XPO4: variants seen among roughly 807,000 people sequenced by gnomAD.
XPO4 encodes the protein exportin 4.
Under a neutral mutation model 143.0 loss-of-function variants are expected in XPO4, and 39 were observed. That is an observed-to-expected ratio of 0.27 (90% CI 0.21 to 0.36). The LOEUF is 0.36. Ranked by LOEUF, XPO4 falls within the 10% of genes least tolerant of loss-of-function variation. The pLI, the probability that XPO4 is intolerant of heterozygous loss-of-function variation, is 1.00. For missense variants in XPO4, 907 were observed against 1,348.0 expected, an observed-to-expected ratio of 0.67 and a Z score of 5.12; for synonymous variants, 439 against 474.0, an observed-to-expected ratio of 0.93 and a Z score of 0.96.
chr13:20,862,370 T>C, intron 3 of XPO4, among the ~76,000 whole-genome samples: 1 of 152,328 alleles, frequency 6.6e-6, no homozygotes, highest in Admixed American at 6.5e-5. Context: ...ACCAAAAGCT[T>C]AAATAAAAGG....
intron 1 of XPO4, among the ~76,000 whole-genome samples, chr13:20,881,574 A>AT (rs1342694004): frequency 1.3e-5 from 2 of 152,038 alleles, no homozygotes; most frequent in East Asian, 3.9e-4. Context: ...CCAGCCAATA[A>AT]TTTTTTTTAA....
chr13:20,864,421 T>C (rs1247819591), intron 2 of XPO4, among the ~76,000 whole-genome samples: 1 of 152,186 alleles, frequency 6.6e-6, no homozygotes, highest in African/African-American at 2.4e-5. Flanking sequence ...TCCTTAACCA[T>C]GGATTTCAAC....
intron 4 of XPO4, chr13:20,848,772 A>C (rs575063): frequency 0.19 from 184,843 of 984,758 alleles, 20,722 homozygotes; most frequent in East Asian, 0.79. Context: ...TTGGAAAATA[A>C]ATGATGTGTT....
At chr13:20,839,125 G>A (rs186929709) in intron 6 of XPO4, among the ~76,000 whole-genome samples, 4 of 152,142 alleles carry the variant, frequency 2.6e-5, no homozygotes, top group South Asian at 2.1e-4. Flanking sequence ...CTAGCAGGGC[G>A]TAGTGGTGTG....
chr13:20,866,008 C>T, intron 2 of XPO4: 1 of 982,350 alleles, frequency 1.0e-6, no homozygotes, highest in Non-Finnish European at 1.2e-6. Flanking sequence ...AAATCCATTT[C>T]TCCCTGAGAA....
At chr13:20,879,377 G>A (rs767966497) in intron 1 of XPO4, 4 of 923,488 alleles carry the variant, frequency 4.3e-6, no homozygotes, top group African/African-American at 3.6e-5. Flanking sequence ...ATGGAAGAGC[G>A]TAAATTACTT....
At chr13:20,798,126 G>A (rs2059382588) in intron 16 of XPO4, among the ~76,000 whole-genome samples, 1 of 152,068 alleles carries the variant, frequency 6.6e-6, no homozygotes, top group Admixed American at 6.6e-5. Flanking sequence ...CTGAGTGACA[G>A]AGCAAGACTC....
intron 6 of XPO4, among the ~76,000 whole-genome samples, chr13:20,829,714 G>A (rs562391207): frequency 7.0e-4 from 106 of 152,290 alleles, no homozygotes; most frequent in African/African-American, 2.3e-3. Flanking sequence ...CCAAGGAAAT[G>A]AGGAGAGTCT....
At chr13:20,812,005 A>C (rs1424558497) in intron 9 of XPO4, among the ~76,000 whole-genome samples, 2 of 152,252 alleles carry the variant, frequency 1.3e-5, no homozygotes, top group Non-Finnish European at 2.9e-5. Context: ...GGGCATCGTC[A>C]GCACACAGAT....
Position 20,845,104 on chromosome 13 carries a change from G to A in XPO4, c.457-1218C>T, listed in dbSNP as rs1421881604. ...AGGAGAACGCTTGAACCTGGGAGCCGAAGGCTGCAATGAGCCGAGATCGCG... is the reference window on the plus strand; with the variant it reads ...AGGAGAACGCTTGAACCTGGGAGCCAAAGGCTGCAATGAGCCGAGATCGCG... On this transcript the variant is annotated intron_variant, in intron 4 of 22. Transcript: ENST00000255305. Among the ~76,000 whole-genome samples the A allele has an allele frequency of 2.0e-5, 3 of 152,286 alleles. No individual in the cohort carries two copies. In the East Asian group the frequency reaches 5.8e-4, roughly 29 times the overall value.
intron 2 of XPO4, among the ~76,000 whole-genome samples, chr13:20,864,076 T>G (rs2060224567): frequency 6.6e-6 from 1 of 152,154 alleles, no homozygotes; most frequent in Non-Finnish European, 1.5e-5. Flanking sequence ...GTTTTGATTA[T>G]TCTATGCTAT....
At chr13:20,823,986 A>G (rs2059752995) in intron 7 of XPO4, among the ~76,000 whole-genome samples, 1 of 152,150 alleles carries the variant, frequency 6.6e-6, no homozygotes, top group African/African-American at 2.4e-5. Flanking sequence ...AATAAGCTTT[A>G]CTGGAACACC....
Position 20,783,801 on chromosome 13 carries a change from T to C in XPO4, c.3377A>G (p.Asp1126Gly). ...TAAGAAGGCCATCTTCTGCTTCCGA[T>C]CCAGCGTAGGAGGAGTGCTGCTTGC... is the stretch of plus-strand genomic sequence containing the variant. ...LTASSTPPTLDRKQKMAFLKS... is the reference protein window; with the variant it reads ...LTASSTPPTLGRKQKMAFLKS... The change falls in exon 23 of 23, where the codon GAT becomes GGT. Residue 1126 changes from aspartate (D) to glycine (G), a missense_variant. Coordinates refer to ENST00000255305, the MANE Select transcript of XPO4 (RefSeq NM_022459.5). The C allele has an allele frequency of 6.2e-7, 1 of 1,614,210 alleles. No homozygotes were observed. Among genetic ancestry groups the C allele is most frequent in the South Asian group, 1.1e-5 (1 of 91,088 alleles).
chr13:20,814,075 A>T (rs1206443000), intron 9 of XPO4, among the ~76,000 whole-genome samples: 1 of 151,974 alleles, frequency 6.6e-6, no homozygotes, highest in African/African-American at 2.4e-5. Context: ...TTAACAAAGC[A>T]TGTGCTTTAC....
chr13:20,810,442 C>CA (rs1395766944), intron 9 of XPO4, among the ~76,000 whole-genome samples: 8 of 151,724 alleles, frequency 5.3e-5, no homozygotes, highest in East Asian at 1.9e-4. Flanking sequence ...GCACTGTCTT[C>CA]AAAAAAAATG....
At chr13:20,887,314 A>G (rs1311963016) in intron 1 of XPO4, among the ~76,000 whole-genome samples, 2 of 152,204 alleles carry the variant, frequency 1.3e-5, no homozygotes, top group Non-Finnish European at 2.9e-5. Context: ...AAGATACTTC[A>G]CATAAGGGAG....
At chr13:20,792,930 G>C (rs2059306392) in intron 18 of XPO4, among the ~76,000 whole-genome samples, 1 of 151,784 alleles carries the variant, frequency 6.6e-6, no homozygotes, top group Non-Finnish European at 1.5e-5. Context: ...TGGGATTACA[G>C]GCATGCACCA....
intron 6 of XPO4, among the ~76,000 whole-genome samples, chr13:20,834,835 C>G (rs529690904): frequency 5.3e-5 from 8 of 152,054 alleles, no homozygotes; most frequent in Middle Eastern, 3.4e-3. Context: ...GTGATGTGTA[C>G]CTGTGGTTCT....
intron 17 of XPO4, 73 bp downstream of exon 17, chr13:20,796,691 A>C (rs573301634): frequency 8.5e-7 from 1 of 1,178,272 alleles, no homozygotes; most frequent in Non-Finnish European, 1.1e-6. Flanking sequence ...TCAAATTTTA[A>C]GCAAAGATCT....
Sources: allele counts gnomAD v4.1 joint callset (sites outside exome capture counted in the v4.1 genomes callset), GRCh38; gene constraint gnomAD v4.1.1; transcripts MANE v1.5; gene names NCBI Gene and HGNC (gene_info 2026-07-23, HGNC 2026-07-21).